Variants in TNPO1 observed in about 807,000 individuals in gnomAD.
TNPO1 encodes the protein transportin-1.
Under a neutral mutation model 119.5 loss-of-function variants are expected in TNPO1, and 8 were observed. The ratio of observed to expected loss-of-function variants is 0.07; its 90% CI spans 0.04 to 0.12. The LOEUF (loss-of-function observed/expected upper bound fraction) is 0.12, where lower values mean the gene tolerates loss of function less well. TNPO1 is among the 10% of genes least tolerant of loss of function. TNPO1 has a pLI of 1.00. For synonymous variants in TNPO1, 362 were observed against 363.0 expected (o/e 1.00, Z 0.03); for missense variants, 576 against 1,089.8 (o/e 0.53, Z 6.64).
intron 7 of TNPO1, 81 bp from the exon 8 acceptor site, chr5:72,875,534 A>C: frequency 1.3e-6 from 2 of 1,497,466 alleles, no homozygotes; most frequent in Non-Finnish European, 1.8e-6. Context: ...GGGTTTCTTT[A>C]AATGTCACCA....
rs748770139 is a variant in TNPO1 at position 72,900,130 on chromosome 5, C to A, written c.2414+49C>A. 11 of 1,451,838 alleles carry A rather than the reference C, an allele frequency of 7.6e-6. No individual in the cohort carries two copies. In the South Asian group the frequency reaches 1.1e-4, roughly 14 times the overall value. 89.9% of individuals were successfully genotyped at this position (1,451,838 alleles called of 1,614,324 possible). Reference sequence around the variant, plus strand: ...TTTAATTCATTTTTCTTCACTCTTTCTTTCTCTATCTCACTTTTAGATATA... The same window carrying A: ...TTTAATTCATTTTTCTTCACTCTTTATTTCTCTATCTCACTTTTAGATATA... On this transcript the variant is annotated intron_variant, in intron 21 of 24. Transcript: ENST00000337273.
intron 24 of TNPO1, 42 bp downstream of exon 24, chr5:72,905,487 T>C (rs564788420): frequency 9.0e-5 from 88 of 975,398 alleles, no homozygotes; most frequent in Middle Eastern, 4.3e-4. Flanking sequence ...ATGAAGAAAA[T>C]TTTGTTAGGG....
Position 72,848,455 on chromosome 5 carries a change from A to G in TNPO1, c.86A>G (p.Glu29Gly). ...GLQQILQLLK[E>G]SQSPDTTIQR... ...CAGCAAATCCTGCAGCTGTTGAAGG[A>G]GTCCCAGTCCCCAGACACCACCATC... Residue 29 changes from glutamate to glycine, a missense_variant, in exon 2 of 25, where the codon GAG becomes GGG. Glu to Gly is a moderately conservative substitution (Grantham distance 98). This residue lies in a region of TNPO1 where 57 missense variants were observed against 59.5 expected (regional missense o/e 0.96). Coordinates refer to ENST00000337273, the MANE Select transcript of TNPO1 (RefSeq NM_002270.4). The G allele has an allele frequency of 6.2e-7, 1 of 1,611,912 alleles. No homozygotes were observed. The highest frequency in any genetic ancestry group is 8.5e-7 in the Non-Finnish European group (1 of 1,178,896).
intron 6 of TNPO1, among the ~76,000 whole-genome samples, chr5:72,869,956 T>G (rs747162558): frequency 8.5e-5 from 13 of 152,222 alleles, no homozygotes; most frequent in Admixed American, 3.3e-4. Context: ...GTTTATCATC[T>G]GTATTTCTGG....
chr5:72,825,444 T>C (rs1715674001), intron 1 of TNPO1, among the ~76,000 whole-genome samples: 1 of 152,042 alleles, frequency 6.6e-6, no homozygotes, highest in African/African-American at 2.4e-5. Flanking sequence ...TCCCAGCACT[T>C]TGGGAGGCTG....
rs116047205 is a variant in TNPO1 at position 72,839,033 on chromosome 5, G to A, written c.16-9352G>A. The stretch of plus-strand genomic sequence containing the variant: ...GAAATTTATAATCATGTTATAATAC[G>A]TAAGGCTTTTAAAAAGCTTTTTTTC... On this transcript the variant is annotated intron_variant, in intron 1 of 24. Coordinates refer to ENST00000337273, the MANE Select transcript of TNPO1 (RefSeq NM_002270.4). 4.3e-3 allele frequency among the ~76,000 whole-genome samples: 662 copies of A among 152,204 alleles called. 7 individuals are homozygous for A. Among genetic ancestry groups the A allele is most frequent in the African/African-American group, 0.015 (641 of 41,556 alleles).
intron 1 of TNPO1, among the ~76,000 whole-genome samples, chr5:72,827,711 T>A (rs949275402): frequency 6.6e-6 from 1 of 152,104 alleles, no homozygotes; most frequent in East Asian, 1.9e-4. Flanking sequence ...TCAAGAGTTT[T>A]GTTTCAAGCC....
chr5:72,875,827 C>A, intron 8 of TNPO1, 90 bp downstream of exon 8: 1 of 1,388,218 alleles, frequency 7.2e-7, no homozygotes, highest in South Asian at 1.4e-5. Context: ...GGGAAGGGGA[C>A]TATAAAATAG....
At chr5:72,871,646 A>G (rs770126543) in intron 6 of TNPO1, 1 of 152,286 alleles carries the variant, frequency 6.6e-6, no homozygotes, top group African/African-American at 2.4e-5. Flanking sequence ...CAAAGACTGA[A>G]CAAAGTAAGG....
intron 6 of TNPO1, among the ~76,000 whole-genome samples, chr5:72,869,801 A>G (rs1244860843): frequency 1.3e-5 from 2 of 152,234 alleles, no homozygotes; most frequent in Non-Finnish European, 2.9e-5. Flanking sequence ...TTTATATAGT[A>G]TCAGACAGAT....
intron 6 of TNPO1, 110 bp downstream of exon 6, chr5:72,865,839 A>T (rs545486887): frequency 3.1e-5 from 36 of 1,180,166 alleles, no homozygotes; most frequent in Non-Finnish European, 4.3e-5. Flanking sequence ...AAGATATTGG[A>T]TGTTCCAGAG....
At chr5:72,818,226 A>G (rs981357495) in intron 1 of TNPO1, among the ~76,000 whole-genome samples, 1 of 152,218 alleles carries the variant, frequency 6.6e-6, no homozygotes, top group Non-Finnish European at 1.5e-5. Flanking sequence ...AATTCCTCCC[A>G]CTGAAATATC....
Position 72,891,863 on chromosome 5 carries a change from G to A in TNPO1, c.1755G>A (p.Lys585=), listed in dbSNP as rs753633177. The A allele has an allele frequency of 1.1e-5, 18 of 1,611,210 alleles. No homozygotes were observed. Among genetic ancestry groups the A allele is most frequent in the African/African-American group, 1.3e-5 (1 of 74,862 alleles). The part of the protein sequence containing the change: ...PPLIQKWNML[K]DEDKDLFPLL... ...TGATCCAGAAATGGAACATGTTAAA[G>A]GATGAAGATAAAGATCTCTTCCCTT... Residue 585 remains lysine, a synonymous_variant, in exon 15 of 25, where the codon AAG becomes AAA. Coordinates refer to ENST00000337273, the MANE Select transcript of TNPO1 (RefSeq NM_002270.4).
intron 11 of TNPO1, 136 bp downstream of exon 11, chr5:72,883,368 A>G (rs371707576): frequency 6.8e-5 from 42 of 621,326 alleles, no homozygotes; most frequent in East Asian, 2.5e-4. Flanking sequence ...GAGCTGTTCA[A>G]CCATTACCAC....
chr5:72,906,030 A>G (rs1417903065), intron 24 of TNPO1, among the ~76,000 whole-genome samples: 2 of 152,150 alleles, frequency 1.3e-5, no homozygotes, highest in African/African-American at 4.8e-5. Context: ...CACTGGTTGG[A>G]TTTCTCAACA....
chr5:72,868,935 G>A (rs937869699), intron 6 of TNPO1, among the ~76,000 whole-genome samples: 8 of 151,996 alleles, frequency 5.3e-5, no homozygotes, highest in African/African-American at 1.9e-4. Context: ...TTGAACCCGG[G>A]AGGCGGAGGT....
chr5:72,862,918 G>A (rs2112318471), intron 5 of TNPO1, among the ~76,000 whole-genome samples: 1 of 152,064 alleles, frequency 6.6e-6, no homozygotes, highest in South Asian at 2.1e-4. Context: ...AAAGTGTTAG[G>A]ATTACAGGTG....
At chr5:72,872,817 A>T (rs1187570867) in intron 7 of TNPO1, 97 bp downstream of exon 7, 3 of 596,370 alleles carry the variant, frequency 5.0e-6, no homozygotes, top group Admixed American at 7.4e-5. Context: ...TTAAAACAAG[A>T]ATCATTTATA....
intron 5 of TNPO1, among the ~76,000 whole-genome samples, chr5:72,865,099 A>AT (rs2112330611): frequency 6.6e-6 from 1 of 152,302 alleles, no homozygotes; most frequent in African/African-American, 2.4e-5. Flanking sequence ...ATACCCTTGT[A>AT]TTTTAACTGA....
Sources: allele counts gnomAD v4.1 joint callset (sites outside exome capture counted in the v4.1 genomes callset), GRCh38; gene constraint gnomAD v4.1.1; regional missense constraint gnomAD v4.1.1; transcripts MANE v1.5; gene names NCBI Gene and HGNC (gene_info 2026-07-23, HGNC 2026-07-21).